DNAH9: variants seen among roughly 807,000 people sequenced by gnomAD.
DNAH9 encodes the protein DNAH9 variant protein.
Under a neutral mutation model 471.6 loss-of-function variants are expected in DNAH9, and 345 were observed. The ratio of observed to expected loss-of-function variants is 0.73; its 90% CI spans 0.67 to 0.80. The LOEUF is 0.80. Among genes scored for constraint, DNAH9 ranks in the 30% least tolerant of loss-of-function variants. The pLI is 0.00. For synonymous variants in DNAH9, 2,093 were observed against 2,123.6 expected (o/e 0.99, Z 0.40); for missense variants, 5,407 against 5,609.2 (o/e 0.96, Z 1.15).
intron 61 of DNAH9, among the ~76,000 whole-genome samples, chr17:11,923,592 T>C (rs909361385): frequency 1.3e-5 from 2 of 152,232 alleles, no homozygotes; most frequent in Non-Finnish European, 2.9e-5. Flanking sequence ...ATTACAGGCA[T>C]GAGCCACTGC....
intron 24 of DNAH9, among the ~76,000 whole-genome samples, chr17:11,701,644 T>C (rs2074597441): frequency 6.6e-6 from 1 of 151,762 alleles, no homozygotes; most frequent in Non-Finnish European, 1.5e-5. Context: ...TGCTGACACA[T>C]ATGACTGGTG....
chr17:11,651,216 G>T lies in DNAH9; in HGVS notation c.2245G>T (p.Val749Phe). 1 of 1,614,114 alleles carries T rather than the reference G, an allele frequency of 6.2e-7. No homozygotes were observed. The highest frequency in any genetic ancestry group is 8.5e-7 in the Non-Finnish European group (1 of 1,180,010). Reference sequence around the variant, plus strand: ...GTTGATGGCAAATTGGTACAACAAGGTTATGAAAACTCTGCTGGAGGTGGA... The same window carrying T: ...GTTGATGGCAAATTGGTACAACAAGTTTATGAAAACTCTGCTGGAGGTGGA... ...LELMANWYNK[V>F]MKTLLEVEFP... The change falls in exon 13 of 69, where the codon GTT becomes TTT. Residue 749 changes from valine to phenylalanine, a missense_variant. By Grantham distance (50) the Val-to-Phe change is conservative. Around this residue, in one of 3 missense-constraint regions of DNAH9, gnomAD observed 4,636 missense variants for 4,900.3 expected, o/e 0.95. Coordinates refer to ENST00000262442, the MANE Select transcript of DNAH9 (RefSeq NM_001372.4).
Position 11,623,950 on chromosome 17 carries a change from C to T in DNAH9, c.1350+4169C>T, listed in dbSNP as rs745406051. On this transcript the variant is annotated intron_variant, in intron 6 of 68. Coordinates refer to ENST00000262442, the MANE Select transcript of DNAH9 (RefSeq NM_001372.4). The surrounding 1 kb of genome is among the most constrained non-coding windows in gnomAD (Gnocchi z 4.1). ...TTTGTTGTGCACATCCACTCTTCCT[C>T]TCTGGGTGCCTGCTAAATGCCAGAG... is the stretch of plus-strand genomic sequence containing the variant. 2.6e-5 allele frequency among the ~76,000 whole-genome samples: 4 copies of T among 152,184 alleles called. No individual in the cohort carries two copies. The highest frequency in any genetic ancestry group is 5.9e-5 in the Non-Finnish European group (4 of 68,036).
At chr17:11,826,719 C>A (rs1970508755) in intron 48 of DNAH9, among the ~76,000 whole-genome samples, 1 of 151,698 alleles carries the variant, frequency 6.6e-6, no homozygotes, top group African/African-American at 2.4e-5. Context: ...GCCTCGGCGT[C>A]CCAAAGTGCT....
In DNAH9 at chr17:11,891,636, A is replaced by AT. The variant is rs199712539; in HGVS notation, c.11113-140dup. ...CACCTTGGCCTCCCAAAGCACTGTGATCACAGGCATGAGCCACCGTGCCTG... is the reference window on the plus strand; with the variant it reads ...CACCTTGGCCTCCCAAAGCACTGTGATTCACAGGCATGAGCCACCGTGCCTG... On this transcript the variant is annotated intron_variant, in intron 57 of 68. Coordinates refer to ENST00000262442, the MANE Select transcript of DNAH9 (RefSeq NM_001372.4). 2.0e-3 allele frequency: 1,904 copies of AT among 938,142 alleles called. 32 individuals carry two copies. In the African/African-American group the frequency reaches 0.028, roughly 14 times the overall value. 58.1% of individuals were successfully genotyped at this position (938,142 alleles called of 1,614,324 possible).
chr17:11,642,508 C>T (rs1162166843), intron 10 of DNAH9, among the ~76,000 whole-genome samples: 14 of 152,048 alleles, frequency 9.2e-5, no homozygotes, highest in Admixed American at 8.5e-4. Flanking sequence ...GCCGAGATTG[C>T]GCCATTGCAC....
At position 11,929,995 on chromosome 17, in the gene DNAH9, A is replaced by T; in HGVS notation, c.12007A>T (p.Ile4003Phe). Residue 4003 changes from isoleucine (I) to phenylalanine (F), a missense_variant, in exon 63 of 69, where the codon ATC (isoleucine) becomes TTC (phenylalanine). By Grantham distance (21) the Ile-to-Phe change is conservative. Transcript: ENST00000262442. ...EPAPSPEGHIIPQGILENSIK... is the reference protein window; with the variant it reads ...EPAPSPEGHIFPQGILENSIK... ...AGCACCCTCCCCTGAGGGCCACATC[A>T]TCCCCCAGGGCATCCTGGAGAACTC... 1 of 1,614,040 alleles carries T rather than the reference A, an allele frequency of 6.2e-7. No homozygotes were observed. The highest frequency in any genetic ancestry group is 2.2e-5 in the East Asian group (1 of 44,848).
At chr17:11,910,004 C>G (rs1193680135) in intron 61 of DNAH9, among the ~76,000 whole-genome samples, 1 of 152,172 alleles carries the variant, frequency 6.6e-6, no homozygotes, top group Non-Finnish European at 1.5e-5. Flanking sequence ...CGCCTGTAAT[C>G]CCAGCACTTT....
intron 30 of DNAH9, among the ~76,000 whole-genome samples, chr17:11,743,043 T>C (rs1423641090): frequency 6.6e-6 from 1 of 152,092 alleles, no homozygotes; most frequent in African/African-American, 2.4e-5. Flanking sequence ...TCTTCTGAGC[T>C]CTAAACCTGT....
rs2150995507 is a variant in DNAH9, at chr17:11,881,302, G to A, written c.10695G>A (p.Glu3565=). The A allele has an allele frequency of 1.2e-6, 2 of 1,614,176 alleles. No individual in the cohort carries two copies. Among genetic ancestry groups the A allele is most frequent in the East Asian group, 4.5e-5 (2 of 44,866 alleles). Reference sequence around the variant, plus strand: ...TGGCTAATCCTCACTACCAGCCTGAGCTGCAGGCTCAGGCCACCCTGATCA... The same window carrying A: ...TGGCTAATCCTCACTACCAGCCTGAACTGCAGGCTCAGGCCACCCTGATCA... ...TKLANPHYQP[E]LQAQATLINF... Residue 3565 remains glutamate (E), a synonymous_variant, in exon 55 of 69, where the codon GAG becomes GAA. Coordinates refer to ENST00000262442, the MANE Select transcript of DNAH9 (RefSeq NM_001372.4).
At chr17:11,826,039 A>G (rs931237388) in intron 48 of DNAH9, among the ~76,000 whole-genome samples, 2 of 152,228 alleles carry the variant, frequency 1.3e-5, no homozygotes, top group African/African-American at 2.4e-5. Flanking sequence ...GTTTTTGGCC[A>G]TCTTGGATTT....
At chr17:11,676,191 AATT>A (rs1161677916) in intron 17 of DNAH9, among the ~76,000 whole-genome samples, 6 of 152,130 alleles carry the variant, frequency 3.9e-5, no homozygotes, top group Middle Eastern at 3.4e-3. Context: ...TAAATCTTCA[AATT>A]ATTATTATAA....
chr17:11,755,345 C>G (rs991478196), intron 33 of DNAH9, among the ~76,000 whole-genome samples: 1 of 151,978 alleles, frequency 6.6e-6, no homozygotes, highest in African/African-American at 2.4e-5. Flanking sequence ...ATAGTTTTTT[C>G]TAGTTCTGTG....
At chr17:11,754,128 G>T in intron 33 of DNAH9, among the ~76,000 whole-genome samples, 1 of 120,940 alleles carries the variant, frequency 8.3e-6, no homozygotes. Context: ...CTCCATTCAT[G>T]TTCCCAAAAA....
intron 15 of DNAH9, among the ~76,000 whole-genome samples, chr17:11,666,116 C>A (rs527924617): frequency 5.9e-5 from 9 of 152,326 alleles, no homozygotes; most frequent in Non-Finnish European, 1.0e-4. Context: ...GAGCAACAAG[C>A]CAATGGGGCA....
At position 11,859,085 on chromosome 17, in the gene DNAH9, A is replaced by C. The variant is rs1350706791; in HGVS notation, c.9933+4657A>C. On this transcript the variant is annotated intron_variant, in intron 50 of 68. Transcript: ENST00000262442. ...GGCAGCAAGAGGGAAACCCCGTCTC[A>C]AAAAAAAAAAAAAAAAAAAAGAGTA... is the stretch of plus-strand genomic sequence containing the variant. 3.5e-4 allele frequency among the ~76,000 whole-genome samples: 15 copies of C among 42,510 alleles called. 1 individual carries two copies. The highest frequency in any genetic ancestry group is 9.8e-3 in the Middle Eastern group (1 of 102). The allele number at this position is 42,510 out of a possible 152,430, so 27.9% of individuals were successfully genotyped here.
intron 1 of DNAH9, among the ~76,000 whole-genome samples, chr17:11,599,834 G>A (rs111643368): frequency 6.6e-6 from 1 of 152,138 alleles, no homozygotes; most frequent in Non-Finnish European, 1.5e-5. Context: ...GGTGCTATAG[G>A]GAATACCAAA....
At chr17:11,775,090 ATT>A (rs1968369014) in intron 38 of DNAH9, among the ~76,000 whole-genome samples, 1 of 152,054 alleles carries the variant, frequency 6.6e-6, no homozygotes. Context: ...ATTAGTTTGC[ATT>A]TTCTAGAAAT....
Position 11,716,358 on chromosome 17 carries a change from G to A in DNAH9, c.5553-2976G>A, listed in dbSNP as rs113252699. Among the ~76,000 whole-genome samples the A allele has an allele frequency of 3.3e-5, 5 of 152,168 alleles. 1 individual carries two copies. The highest frequency in any genetic ancestry group is 1.2e-4 in the African/African-American group (5 of 41,524). On this transcript the variant is annotated intron_variant, in intron 26 of 68. Coordinates refer to ENST00000262442, the MANE Select transcript of DNAH9 (RefSeq NM_001372.4). ...GGCCTCCCAAAGTGCTAGGATTACA[G>A]GCGTGAGCCACCGTGCCCGGCCCTG...
Sources: gnomAD v4.1 joint callset for allele counts (sites outside exome capture counted in the v4.1 genomes callset) on GRCh38, gnomAD v4.1.1 for gene constraint, gnomAD v4.1.1 regional missense constraint, Gnocchi (gnomAD v3.1) non-coding constraint, MANE v1.5 for transcripts, NCBI Gene and HGNC (gene_info 2026-07-23, HGNC 2026-07-21) for gene names.